RSF1: variants seen among roughly 807,000 people sequenced by gnomAD.
The protein encoded by RSF1 is remodeling and spacing factor 1.
Under a neutral mutation model 145.2 loss-of-function variants are expected in RSF1, and 13 were observed. That is an observed-to-expected ratio of 0.09 (90% CI 0.06 to 0.14). The LOEUF is 0.14. Among genes scored for constraint, RSF1 ranks in the 10% least tolerant of loss-of-function variants. The pLI is 1.00. For synonymous variants in RSF1, 577 were observed against 592.6 expected (o/e 0.97, Z 0.38); for missense variants, 1,517 against 1,718.2 (o/e 0.88, Z 2.07).
rs1350941352 is a variant in RSF1 at position 77,683,737 on chromosome 11, G to T, written c.3038C>A (p.Thr1013Lys). ...GTAGCTTATACATTTCCTTGTTCTT[G>T]TTGACCTCCTTTCAAGCAAGTTTGC... ...SKANLLERRS[T>K]RTRKCISYRF... Residue 1013 changes from threonine (T) to lysine (K), a missense_variant, in exon 11 of 16, where the codon ACA becomes AAA. Thr to Lys is a moderately conservative substitution (Grantham distance 78, BLOSUM62 -1). This residue lies in a region of RSF1 where 231 missense variants were observed against 276.6 expected (regional missense o/e 0.84). Transcript: ENST00000308488. The T allele has an allele frequency of 5.0e-6, 8 of 1,612,540 alleles. No individual in the cohort carries two copies. Among genetic ancestry groups the T allele is most frequent in the Non-Finnish European group, 6.8e-6 (8 of 1,179,268 alleles).
At chr11:77,716,722 T>C (rs140496278) in intron 5 of RSF1, among the ~76,000 whole-genome samples, 35 of 152,332 alleles carry the variant, frequency 2.3e-4, no homozygotes, top group African/African-American at 8.2e-4. Context: ...ACGTACTGTA[T>C]ACCTGAAAAT....
intron 1 of RSF1, among the ~76,000 whole-genome samples, chr11:77,782,149 C>A (rs1267756160): frequency 6.6e-6 from 1 of 152,188 alleles, no homozygotes; most frequent in Non-Finnish European, 1.5e-5. Context: ...TTTCTATCCA[C>A]TCTACCAATC....
intron 2 of RSF1, among the ~76,000 whole-genome samples, chr11:77,755,308 C>T (rs1948104839): frequency 6.6e-6 from 1 of 152,142 alleles, no homozygotes; most frequent in African/African-American, 2.4e-5. Context: ...GTAGAATTAT[C>T]AGGACAGCTG....
chr11:77,668,517 T>C (rs529611323), intron 15 of RSF1, among the ~76,000 whole-genome samples: 1 of 152,362 alleles, frequency 6.6e-6, no homozygotes, highest in East Asian at 1.9e-4. Flanking sequence ...GTAGTCTTAA[T>C]TGTCTTCTCT....
the RSF1 span, among the ~76,000 whole-genome samples, chr11:77,870,987 C>T: frequency 6.6e-6 from 1 of 152,056 alleles, no homozygotes; most frequent in Admixed American, 6.6e-5. Flanking sequence ...GATGAAGGTG[C>T]CCCTTACATC....
chr11:77,806,699 G>C (rs12418335), intron 1 of RSF1, among the ~76,000 whole-genome samples: 52,087 of 150,952 alleles, frequency 0.35, 9,110 homozygotes, highest in East Asian at 0.46. Flanking sequence ...GAGAAAGAAA[G>C]AAAGGAAGAA....
chr11:77,729,094 A>T (rs1432854651), intron 4 of RSF1, among the ~76,000 whole-genome samples: 1 of 152,202 alleles, frequency 6.6e-6, no homozygotes, highest in South Asian at 2.1e-4. Context: ...CACTCTCTGT[A>T]GTCCCACTCT....
Position 77,801,805 on chromosome 11 carries a change from C to T in RSF1, c.187+18723G>A, listed in dbSNP as rs140736936. On this transcript the variant is annotated intron_variant, in intron 1 of 15. Transcript: ENST00000308488. ...AGCCCCATCCACTTCCTCCAGAGAGCGAAGAGAGTCTGGAGACTGGGTTAA... is the reference window on the plus strand; with the variant it reads ...AGCCCCATCCACTTCCTCCAGAGAGTGAAGAGAGTCTGGAGACTGGGTTAA... Among the ~76,000 whole-genome samples the T allele has an allele frequency of 1.3e-3, 201 of 151,962 alleles. 3 individuals carry two copies. Among genetic ancestry groups the T allele is most frequent in the East Asian group, 0.012 (61 of 5,164 alleles).
intron 4 of RSF1, among the ~76,000 whole-genome samples, chr11:77,726,637 G>A (rs753037221): frequency 1.3e-5 from 2 of 152,086 alleles, no homozygotes; most frequent in Non-Finnish European, 2.9e-5. Context: ...ACTAAGAGTT[G>A]GGAAACTGAG....
chr11:77,824,995 T>C (rs1395174939), upstream of RSF1, among the ~76,000 whole-genome samples: 1 of 152,194 alleles, frequency 6.6e-6, no homozygotes, highest in Non-Finnish European at 1.5e-5. Context: ...TTGTTTTTCT[T>C]TTTGAGACAG....
chr11:77,679,171 G>C (rs1011746727), intron 11 of RSF1, among the ~76,000 whole-genome samples: 2 of 152,022 alleles, frequency 1.3e-5, no homozygotes, highest in South Asian at 4.1e-4. Context: ...TTGAATTATA[G>C]GTAATTTCCA....
chr11:77,851,707 A>G, the RSF1 span, among the ~76,000 whole-genome samples: 1 of 152,060 alleles, frequency 6.6e-6, no homozygotes, highest in Non-Finnish European at 1.5e-5. Flanking sequence ...CTTTCATCAT[A>G]TGACATGCCT....
chr11:77,729,561 A>C (rs1961145725), intron 4 of RSF1, among the ~76,000 whole-genome samples: 1 of 151,848 alleles, frequency 6.6e-6, no homozygotes, highest in Non-Finnish European at 1.5e-5. Context: ...AAAATAACAA[A>C]AATAAACAGA....
intron 1 of RSF1, among the ~76,000 whole-genome samples, chr11:77,783,331 T>C (rs1430068456): frequency 6.6e-6 from 1 of 152,198 alleles, no homozygotes; most frequent in Admixed American, 6.5e-5. Flanking sequence ...TGGGAAAAAT[T>C]TAATTTTAAC....
chr11:77,859,740 C>T, the RSF1 span, among the ~76,000 whole-genome samples: 1 of 152,334 alleles, frequency 6.6e-6, no homozygotes, highest in Admixed American at 6.5e-5. Flanking sequence ...CCTCAAGTGG[C>T]ATAGGTTTGA....
intron 1 of RSF1, among the ~76,000 whole-genome samples, chr11:77,810,131 T>C (rs1010574968): frequency 9.2e-5 from 14 of 152,204 alleles, no homozygotes; most frequent in Admixed American, 9.2e-4. Flanking sequence ...AGTAAATCTT[T>C]TAAGTTCTAC....
intron 1 of RSF1, among the ~76,000 whole-genome samples, chr11:77,776,116 G>A (rs1048596299): frequency 2.6e-5 from 4 of 152,078 alleles, no homozygotes; most frequent in Admixed American, 2.6e-4. Context: ...TTGGGTTGCT[G>A]AGGGAGGAGG....
intron 11 of RSF1, among the ~76,000 whole-genome samples, chr11:77,679,605 A>C (rs927861094): frequency 2.0e-5 from 3 of 151,726 alleles, no homozygotes; most frequent in Admixed American, 2.0e-4. Flanking sequence ...CCCAAGAGGC[A>C]GAGGATGAAG....
intron 5 of RSF1, among the ~76,000 whole-genome samples, chr11:77,714,513 C>T (rs1960760061): frequency 6.6e-6 from 1 of 152,140 alleles, no homozygotes; most frequent in African/African-American, 2.4e-5. Context: ...TGCTTCCTTC[C>T]TTCCCTCCTT....
Sources: allele counts gnomAD v4.1 joint callset (sites outside exome capture counted in the v4.1 genomes callset), GRCh38; gene constraint gnomAD v4.1.1; regional missense constraint gnomAD v4.1.1; transcripts MANE v1.5; gene names NCBI Gene and HGNC (gene_info 2026-07-23, HGNC 2026-07-21).